PRKG1: variants seen among roughly 807,000 people sequenced by gnomAD.
PRKG1 encodes the protein cGMP-dependent protein kinase 1.
A neutral mutation model predicts 88.1 loss-of-function variants in PRKG1; 35 were observed. The ratio of observed to expected loss-of-function variants is 0.40; its 90% CI spans 0.30 to 0.53. The LOEUF (loss-of-function observed/expected upper bound fraction) is 0.53, where lower values mean the gene tolerates loss of function less well. PRKG1 is among the 20% of genes least tolerant of loss of function. The pLI, the probability that PRKG1 is intolerant of heterozygous loss-of-function variation, is 0.59. For missense variants in PRKG1, 540 were observed against 839.8 expected (o/e 0.64, Z 4.41); for synonymous variants, 303 against 292.5 (o/e 1.04, Z -0.37).
intron 5 of PRKG1, among the ~76,000 whole-genome samples, chr10:51,967,415 G>A (rs181424149): frequency 6.6e-6 from 1 of 152,208 alleles, no homozygotes; most frequent in Non-Finnish European, 1.5e-5. Context: ...CTGTTGTGGG[G>A]TGGGGGATGG....
upstream of PRKG1, among the ~76,000 whole-genome samples, chr10:51,071,682 C>T (rs1182241007): frequency 1.3e-5 from 2 of 152,104 alleles, no homozygotes; most frequent in South Asian, 2.1e-4. Flanking sequence ...TGTAAAAAAA[C>T]TCACTTTTTT....
At chr10:51,212,751 TC>T (rs1421276519) in intron 2 of PRKG1, among the ~76,000 whole-genome samples, 13 of 152,078 alleles carry the variant, frequency 8.5e-5, no homozygotes, top group African/African-American at 3.1e-4. Context: ...GAAGTGCAAA[TC>T]AAAACCACAG....
At chr10:51,048,204 T>C (rs1843515521) in intron 1 of PRKG1, among the ~76,000 whole-genome samples, 1 of 152,136 alleles carries the variant, frequency 6.6e-6, no homozygotes, top group Non-Finnish European at 1.5e-5. Flanking sequence ...CCTTTGTTCT[T>C]TCCTATTTTC....
intron 2 of PRKG1, among the ~76,000 whole-genome samples, chr10:51,284,534 A>G (rs1267279249): frequency 1.3e-5 from 2 of 152,238 alleles, no homozygotes; most frequent in East Asian, 1.9e-4. Context: ...TAATACATGT[A>G]TTGTCAATGC....
intron 3 of PRKG1, among the ~76,000 whole-genome samples, chr10:51,727,575 T>A (rs1476195178): frequency 6.6e-6 from 1 of 152,174 alleles, no homozygotes; most frequent in South Asian, 2.1e-4. Flanking sequence ...CTTTGGCCAT[T>A]AGCACAGAAA....
chr10:51,111,849 G>A (rs1003906631), intron 1 of PRKG1, among the ~76,000 whole-genome samples: 2 of 152,116 alleles, frequency 1.3e-5, no homozygotes, highest in African/African-American at 4.8e-5. Context: ...CAAGAACAGA[G>A]AATAGTTCTT....
intron 12 of PRKG1, among the ~76,000 whole-genome samples, chr10:52,273,658 C>G (rs1031161495): frequency 1.3e-5 from 2 of 151,866 alleles, no homozygotes; most frequent in Non-Finnish European, 2.9e-5. Flanking sequence ...CACATTGTAT[C>G]CTATTGCATC....
intron 3 of PRKG1, among the ~76,000 whole-genome samples, chr10:51,653,562 AT>A (rs916366868): frequency 1.3e-5 from 2 of 151,386 alleles, no homozygotes; most frequent in African/African-American, 2.4e-5. Context: ...TTCTCTGACT[AT>A]TTTTTTCTTT....
At chr10:52,232,799 C>G (rs1352833027) in intron 9 of PRKG1, among the ~76,000 whole-genome samples, 1 of 152,204 alleles carries the variant, frequency 6.6e-6, no homozygotes, top group Non-Finnish European at 1.5e-5. Flanking sequence ...CAAGTGCCAA[C>G]ACTCAGGACA....
chr10:51,463,858 T>A (rs1839808517), intron 2 of PRKG1, among the ~76,000 whole-genome samples: 1 of 152,224 alleles, frequency 6.6e-6, no homozygotes, highest in Non-Finnish European at 1.5e-5. Flanking sequence ...CTCCTTGAAT[T>A]AGCCATTCCT....
intron 4 of PRKG1, among the ~76,000 whole-genome samples, chr10:51,861,428 G>A (rs1400090463): frequency 6.6e-6 from 1 of 152,018 alleles, no homozygotes; most frequent in African/African-American, 2.4e-5. Flanking sequence ...CATTGAAGTT[G>A]TTACTATTTT....
intron 3 of PRKG1, among the ~76,000 whole-genome samples, chr10:51,548,744 C>G (rs1842505973): frequency 6.6e-6 from 1 of 152,022 alleles, no homozygotes; most frequent in Non-Finnish European, 1.5e-5. Flanking sequence ...GTATACTGGC[C>G]TTAGACTGAT....
chr10:52,002,454 CT>C (rs1251938929), intron 5 of PRKG1, among the ~76,000 whole-genome samples: 1 of 152,008 alleles, frequency 6.6e-6, no homozygotes, highest in Non-Finnish European at 1.5e-5. Flanking sequence ...TCATTTCTTC[CT>C]TTTTTCTTGC....
intron 16 of PRKG1, among the ~76,000 whole-genome samples, chr10:52,289,933 T>C (rs1842202468): frequency 6.6e-6 from 1 of 152,164 alleles, no homozygotes; most frequent in Admixed American, 6.6e-5. Flanking sequence ...ATGACATGTA[T>C]TAAATTTTAA....
At chr10:51,349,164 C>T (rs903091445) in intron 2 of PRKG1, among the ~76,000 whole-genome samples, 1 of 152,164 alleles carries the variant, frequency 6.6e-6, no homozygotes, top group Non-Finnish European at 1.5e-5. Context: ...TGACATAGCA[C>T]ATCTCAAACC....
chr10:52,165,775 G>T (rs1046867193), intron 9 of PRKG1, among the ~76,000 whole-genome samples: 11 of 152,160 alleles, frequency 7.2e-5, no homozygotes, highest in African/African-American at 2.4e-4. Context: ...TTAAGTTGAG[G>T]CATTTAAAAC....
intron 10 of PRKG1, among the ~76,000 whole-genome samples, chr10:52,258,277 T>C (rs1841353744): frequency 7.2e-6 from 1 of 139,314 alleles, no homozygotes; most frequent in African/African-American, 2.5e-5. Flanking sequence ...CTTAAAATAA[T>C]TGGTGATAAA....
chr10:51,947,065 T>A (rs375142876), intron 5 of PRKG1, among the ~76,000 whole-genome samples: 2 of 151,922 alleles, frequency 1.3e-5, no homozygotes, highest in African/African-American at 2.4e-5. Flanking sequence ...TGCCCCCAGA[T>A]GTGGAGCCTA....
intron 10 of PRKG1, among the ~76,000 whole-genome samples, chr10:52,259,144 G>T: frequency 6.6e-6 from 1 of 150,900 alleles, no homozygotes. Context: ...AGAGTTGTTT[G>T]GACATTAAGT....
Sources: allele counts gnomAD v4.1 joint callset (sites outside exome capture counted in the v4.1 genomes callset), GRCh38; gene constraint gnomAD v4.1.1; transcripts MANE v1.5; gene names NCBI Gene and HGNC (gene_info 2026-07-23, HGNC 2026-07-21).